Variants in CREB5 observed in about 807,000 individuals in gnomAD.
CREB5 encodes the protein cyclic AMP-responsive element-binding protein 5.
In CREB5, 19 loss-of-function variants were observed where a neutral mutation model predicts 57.1. That is an observed-to-expected ratio of 0.33 (90% CI 0.23 to 0.49). CREB5 has a LOEUF of 0.49. Among genes scored for constraint, CREB5 ranks in the 20% least tolerant of loss-of-function variants. CREB5 has a pLI of 0.99. For synonymous variants in CREB5, 238 were observed against 238.3 expected (o/e 1.00, Z 0.01); for missense variants, 579 against 671.6 (o/e 0.86, Z 1.52).
At chr7:28,513,601 G>A (rs1246846612) in intron 4 of CREB5, 1 of 152,114 alleles carries the variant, frequency 6.6e-6, no homozygotes, top group Non-Finnish European at 1.5e-5. Context: ...CACTACAAAT[G>A]TAAATCACGT....
intron 1 of CREB5, among the ~76,000 whole-genome samples, chr7:28,331,509 G>A (rs2127986725): frequency 6.6e-6 from 1 of 152,222 alleles, no homozygotes; most frequent in Non-Finnish European, 1.5e-5. Flanking sequence ...ACAGACGTGT[G>A]CAAATGACTA....
At chr7:28,817,989 G>A (rs12531253) in intron 9 of CREB5, 82 bp from the exon 10 acceptor site, 650,941 of 970,598 alleles carry the variant, frequency 0.67, 222,692 homozygotes, top group Non-Finnish European at 0.71. Flanking sequence ...GAGTTTGCCA[G>A]TTTTGTTGTT....
intron 4 of CREB5, among the ~76,000 whole-genome samples, chr7:28,533,774 A>G (rs1284057072): frequency 6.6e-6 from 1 of 152,190 alleles, no homozygotes; most frequent in Non-Finnish European, 1.5e-5. Context: ...AAACCTGAAT[A>G]TATTGTGAGG....
At chr7:28,599,759 T>G (rs202016194) in intron 5 of CREB5, among the ~76,000 whole-genome samples, 1 of 53,514 alleles carries the variant, frequency 1.9e-5, no homozygotes, top group African/African-American at 9.0e-5. Context: ...GTTTTGTTTT[T>G]TTATTGTATT....
chr7:28,604,983 C>G (rs1457202299), intron 5 of CREB5, among the ~76,000 whole-genome samples: 1 of 151,832 alleles, frequency 6.6e-6, no homozygotes, highest in Non-Finnish European at 1.5e-5. Flanking sequence ...GAAACTAGAA[C>G]CCAGAACTTG....
chr7:28,309,011 C>A (rs972702977), intron 1 of CREB5, among the ~76,000 whole-genome samples: 2 of 152,088 alleles, frequency 1.3e-5, no homozygotes, highest in African/African-American at 4.8e-5. Context: ...CCAACTATCC[C>A]CCCAGCAAAA....
At chr7:28,621,736 G>A (rs574761839) in intron 5 of CREB5, among the ~76,000 whole-genome samples, 102 of 152,270 alleles carry the variant, frequency 6.7e-4, no homozygotes, top group African/African-American at 2.4e-3. Context: ...GGACACAAGT[G>A]TTCTGTGTGA....
chr7:28,413,636 G>A (rs1361729377), intron 1 of CREB5, among the ~76,000 whole-genome samples: 3 of 152,134 alleles, frequency 2.0e-5, no homozygotes, highest in African/African-American at 4.8e-5. Flanking sequence ...GTCAATTAGC[G>A]GTCAGTCGTG....
upstream of CREB5, chr7:28,410,022 A>G (rs1327404164): frequency 2.2e-6 from 1 of 450,520 alleles, no homozygotes; most frequent in South Asian, 1.6e-5. Context: ...AAAGTTTGCA[A>G]ACTTCCAGCG....
In CREB5 at chr7:28,463,245, G is replaced by A. The variant is rs74989924; in HGVS notation, c.4-24930G>A. On this transcript the variant is annotated intron_variant, in intron 1 of 10. Coordinates refer to ENST00000357727, the MANE Select transcript of CREB5 (RefSeq NM_182898.4). ...TCTTGAAAATCTATTGATGATAAAT[G>A]TAAGGGTTACTTATGGACTCTCAGT... Among the ~76,000 whole-genome samples, 1,177 of 152,150 alleles carry A rather than the reference G, an allele frequency of 7.7e-3. 20 individuals are homozygous for A. The highest frequency in any genetic ancestry group is 0.026 in the African/African-American group (1,076 of 41,516).
chr7:28,721,218 C>G (rs1028399554), intron 6 of CREB5, among the ~76,000 whole-genome samples: 1 of 152,150 alleles, frequency 6.6e-6, no homozygotes, highest in Non-Finnish European at 1.5e-5. Flanking sequence ...GTACAGGCAC[C>G]TGCTGGGTAG....
intron 7 of CREB5, among the ~76,000 whole-genome samples, chr7:28,801,902 T>C (rs1808386934): frequency 6.6e-6 from 1 of 151,630 alleles, no homozygotes; most frequent in African/African-American, 2.4e-5. Context: ...ACAGCCAACA[T>C]GGTGAAACCC....
chr7:28,645,030 G>A (rs1412215943), intron 5 of CREB5, among the ~76,000 whole-genome samples: 2 of 152,114 alleles, frequency 1.3e-5, no homozygotes, highest in African/African-American at 2.4e-5. Context: ...CCCCAGTGCC[G>A]TTGTCAAGAT....
intron 7 of CREB5, among the ~76,000 whole-genome samples, chr7:28,746,470 G>T (rs1269571809): frequency 6.6e-6 from 1 of 152,120 alleles, no homozygotes; most frequent in Non-Finnish European, 1.5e-5. Context: ...AGAATCCCTG[G>T]CCCCACCTCA....
intron 7 of CREB5, among the ~76,000 whole-genome samples, chr7:28,730,041 G>A (rs148765454): frequency 2.0e-4 from 30 of 152,320 alleles, no homozygotes; most frequent in Middle Eastern, 3.4e-3. Context: ...CCTTAAAAGC[G>A]ATTTTCCTTC....
intron 1 of CREB5, among the ~76,000 whole-genome samples, chr7:28,393,147 G>C (rs958545143): frequency 2.0e-5 from 3 of 152,096 alleles, no homozygotes; most frequent in Non-Finnish European, 2.9e-5. Flanking sequence ...GGCTGGTCTT[G>C]AACTCCTCAC....
At chr7:28,735,380 TGTTCTGAGGTAGGATTA>T in intron 7 of CREB5, among the ~76,000 whole-genome samples, 1 of 152,212 alleles carries the variant, frequency 6.6e-6, no homozygotes, top group Admixed American at 6.5e-5. Flanking sequence ...TCATTCACAA[TGTTCTGAGGTAGGATTA>T]CAGGGATCCT....
chr7:28,745,419 T>C (rs1482418016), intron 7 of CREB5, among the ~76,000 whole-genome samples: 1 of 152,244 alleles, frequency 6.6e-6, no homozygotes, highest in South Asian at 2.1e-4. Flanking sequence ...TTAGCCTTGA[T>C]GCTAGATGAT....
chr7:28,466,885 G>A (rs551946125), intron 1 of CREB5, among the ~76,000 whole-genome samples: 1 of 152,334 alleles, frequency 6.6e-6, no homozygotes, highest in Non-Finnish European at 1.5e-5. Flanking sequence ...ACCACTGTGA[G>A]TTAAGGTCCC....
Sources: allele counts gnomAD v4.1 joint callset (sites outside exome capture counted in the v4.1 genomes callset), GRCh38; gene constraint gnomAD v4.1.1; transcripts MANE v1.5; gene names NCBI Gene and HGNC (gene_info 2026-07-23, HGNC 2026-07-21).